ATG3: variants seen among roughly 807,000 people sequenced by gnomAD.
ATG3 encodes ubiquitin-like-conjugating enzyme ATG3.
In ATG3, 25 loss-of-function variants were observed where a neutral mutation model predicts 50.7. The observed-to-expected ratio is 0.49, with a 90% CI of 0.36 to 0.69. ATG3 has a LOEUF of 0.69. Among genes scored for constraint, ATG3 ranks in the 30% least tolerant of loss-of-function variants. The pLI, the probability that ATG3 is intolerant of heterozygous loss-of-function variation, is 0.00. For missense variants in ATG3, 281 were observed against 376.0 expected (o/e 0.75, Z 2.09); for synonymous variants, 119 against 125.5 (o/e 0.95, Z 0.34).
At chr3:112,536,337 A>T in intron 10 of ATG3, 138 bp downstream of exon 10, 1 of 970,408 alleles carries the variant, frequency 1.0e-6, no homozygotes, top group Non-Finnish European at 1.5e-6. Context: ...AAAATTTCTA[A>T]GGAGGACAAG....
chr3:112,533,136 G>A, intron 11 of ATG3: 1 of 995,830 alleles, frequency 1.0e-6, no homozygotes, highest in South Asian at 4.4e-5. Flanking sequence ...CAGAAAATGA[G>A]GCAGAATAGA....
chr3:112,550,395 G>A, intron 3 of ATG3, 133 bp from the exon 4 acceptor site: 1 of 692,432 alleles, frequency 1.4e-6, no homozygotes, highest in Non-Finnish European at 2.3e-6. Context: ...AATTGATTTG[G>A]GAAGGACTCC....
rs1205214507 is a variant in ATG3, at chr3:112,561,565, T to C, written c.-37A>G. 6.3e-7 allele frequency: 1 copy of C among 1,597,148 alleles called. No individual in the cohort carries two copies. The highest frequency in any genetic ancestry group is 8.5e-7 in the Non-Finnish European group (1 of 1,171,888). ...AGTAGCGGCCGGCCCCGCGACGGGA[T>C]GGAAAGTGCAGCCGTGTCAGGGGCC... On this transcript the variant is annotated 5_prime_UTR_variant, in exon 1 of 12. Coordinates refer to ENST00000283290, the MANE Select transcript of ATG3 (RefSeq NM_022488.5).
chr3:112,561,864 TGTCTGTC>T lies in ATG3; in HGVS notation c.-343_-337del. ...CACGCACCCCTCGCCCTCTGCGAGC[TGTCTGTC>T]CTCGCTTTGCTTCACTCGCGCCCCT... On this transcript the variant is annotated 5_prime_UTR_variant, in exon 1 of 12. Coordinates refer to ENST00000283290, the MANE Select transcript of ATG3 (RefSeq NM_022488.5). The T allele has an allele frequency of 3.3e-6, 1 of 302,928 alleles. No homozygotes were observed. The highest frequency in any genetic ancestry group is 6.2e-6 in the Non-Finnish European group (1 of 161,974). 18.8% of individuals were successfully genotyped at this position (302,928 alleles called of 1,614,324 possible). A position where few individuals can be genotyped will look rare whatever the true frequency, so the allele number is the denominator to read the frequency against.
chr3:112,537,655 C>T lies in ATG3; in HGVS notation c.666+80G>A, dbSNP rs1933106524. On this transcript the variant is annotated intron_variant, in intron 9 of 11. Coordinates refer to ENST00000283290, the MANE Select transcript of ATG3 (RefSeq NM_022488.5). ...AAAATGTGAAACACTGCAATAAATA[C>T]TCATGGACCTAATGAAGAAGAAATT... The T allele has an allele frequency of 1.5e-5, 16 of 1,100,122 alleles. No individual in the cohort carries two copies. The South Asian group carries it at 2.9e-4, about 20-fold the overall frequency. The allele number at this position is 1,100,122 out of a possible 1,614,324, so 68.1% of individuals were successfully genotyped here.
chr3:112,549,312 T>A (rs943234300), intron 4 of ATG3, among the ~76,000 whole-genome samples: 1 of 152,102 alleles, frequency 6.6e-6, no homozygotes, highest in African/African-American at 2.4e-5. Context: ...TCCTGATTTT[T>A]TTAAAACAAT....
intron 5 of ATG3, among the ~76,000 whole-genome samples, chr3:112,546,011 T>C (rs1370239411): frequency 6.6e-6 from 1 of 152,088 alleles, no homozygotes; most frequent in Non-Finnish European, 1.5e-5. Flanking sequence ...GAAGAAGGAA[T>C]TCAGCCTCCA....
At chr3:112,561,428 C>G (rs374964725) in intron 1 of ATG3, 29 bp downstream of exon 1, 17 of 1,609,398 alleles carry the variant, frequency 1.1e-5, no homozygotes, top group Non-Finnish European at 1.4e-5. Flanking sequence ...ATGTGCCTGA[C>G]AGCTCCCGGC....
At chr3:112,547,761 T>A (rs892127229) in intron 5 of ATG3, among the ~76,000 whole-genome samples, 5 of 152,246 alleles carry the variant, frequency 3.3e-5, no homozygotes, top group Admixed American at 1.3e-4. Flanking sequence ...CAACAATGAA[T>A]CTTTACCTTC....
chr3:112,556,937 C>T (rs1933700742), intron 2 of ATG3, among the ~76,000 whole-genome samples: 1 of 151,850 alleles, frequency 6.6e-6, no homozygotes, highest in African/African-American at 2.4e-5. Flanking sequence ...CCTTTGTTCA[C>T]TTATCTGCTG....
rs1214478553 is a variant in ATG3 at position 112,561,626 on chromosome 3, G to A, written c.-98C>T. On this transcript the variant is annotated 5_prime_UTR_variant, in exon 1 of 12. The change creates a premature stop within an existing upstream ORF in the 5' untranslated region. Coordinates refer to ENST00000283290, the MANE Select transcript of ATG3 (RefSeq NM_022488.5). ...AAAATGTCCTCGCTGCCACCGACTCGCATCAGCACCCGGCTGGCAGCACCC... is the reference window on the plus strand; with the variant it reads ...AAAATGTCCTCGCTGCCACCGACTCACATCAGCACCCGGCTGGCAGCACCC... 16 of 1,257,894 alleles carry A rather than the reference G, an allele frequency of 1.3e-5. No individual in the cohort carries two copies. Among genetic ancestry groups the A allele is most frequent in the African/African-American group, 7.5e-5 (5 of 66,450 alleles). The allele number at this position is 1,257,894 out of a possible 1,614,324, so 77.9% of individuals were successfully genotyped here. A position where few individuals can be genotyped will look rare whatever the true frequency, so the allele number is the denominator to read the frequency against.
intron 5 of ATG3, among the ~76,000 whole-genome samples, chr3:112,548,122 G>A (rs1222283158): frequency 6.6e-6 from 1 of 152,168 alleles, no homozygotes; most frequent in East Asian, 1.9e-4. Flanking sequence ...GGGAGGCCGA[G>A]GCAGCCAGAT....
intron 3 of ATG3, among the ~76,000 whole-genome samples, chr3:112,552,813 G>C (rs573260444): frequency 2.0e-5 from 3 of 151,848 alleles, no homozygotes; most frequent in Admixed American, 2.0e-4. Context: ...ACCATGCCCA[G>C]CTAATATTTT....
At chr3:112,559,874 T>C (rs1933797461) in intron 1 of ATG3, among the ~76,000 whole-genome samples, 1 of 152,248 alleles carries the variant, frequency 6.6e-6, no homozygotes. Flanking sequence ...TGATTTTTCT[T>C]AATTTTTACT....
chr3:112,539,946 TG>T (rs1933182587), intron 7 of ATG3, among the ~76,000 whole-genome samples: 1 of 152,220 alleles, frequency 6.6e-6, no homozygotes, highest in Non-Finnish European at 1.5e-5. Flanking sequence ...TGGTCAACTA[TG>T]TCATTCAGAG....
chr3:112,545,375 A>G (rs1933343869), intron 5 of ATG3, among the ~76,000 whole-genome samples: 1 of 152,246 alleles, frequency 6.6e-6, no homozygotes, highest in Non-Finnish European at 1.5e-5. Flanking sequence ...TTTAACAAGA[A>G]TAAGAAATAT....
At chr3:112,538,251 T>A in intron 7 of ATG3, 71 bp from the exon 8 acceptor site, 1 of 1,210,160 alleles carries the variant, frequency 8.3e-7, no homozygotes, top group Non-Finnish European at 1.2e-6. Flanking sequence ...AATTTAAGTA[T>A]TACTTCATAG....
chr3:112,532,781 C>G lies in ATG3; in HGVS notation c.864-1G>C. 1.3e-6 allele frequency: 2 copies of G among 1,582,096 alleles called. No individual in the cohort carries two copies. Among genetic ancestry groups the G allele is most frequent in the Non-Finnish European group, 1.7e-6 (2 of 1,164,994 alleles). ...AAATTTCAAGAAAATAAGAAGATAC[C>G]TAAAGGTTTTTAGCTAAGGAAAATA... On this transcript the variant is annotated splice_acceptor_variant, in intron 11 of 11. Coordinates refer to ENST00000283290, the MANE Select transcript of ATG3 (RefSeq NM_022488.5). LOFTEE classifies it high-confidence loss of function.
chr3:112,552,015 G>A (rs1011831582), intron 3 of ATG3, among the ~76,000 whole-genome samples: 6 of 152,092 alleles, frequency 3.9e-5, no homozygotes, highest in Admixed American at 1.3e-4. Flanking sequence ...TCAGCGACAC[G>A]GTAAGTATTA....
Sources: allele counts gnomAD v4.1 joint callset (sites outside exome capture counted in the v4.1 genomes callset), GRCh38; gene constraint gnomAD v4.1.1; transcripts MANE v1.5; gene names NCBI Gene and HGNC (gene_info 2026-07-23, HGNC 2026-07-21).